The following OPA1 variants were observed in gnomAD, a reference collection of about 807,000 sequenced individuals.
OPA1 encodes the protein OPA1 mitochondrial dynamin like GTPase, also known as dynamin-like GTPase OPA1, mitochondrial.
OPA1 carries 59 observed loss-of-function variants against 152.9 expected under a neutral mutation model. The ratio of observed to expected loss-of-function variants is 0.39; its 90% CI spans 0.31 to 0.48. The LOEUF is 0.48. Ranked by LOEUF, OPA1 falls within the 20% of genes least tolerant of loss-of-function variation. The probability of loss-of-function intolerance (pLI) is 0.96; values close to 1 mark genes in which losing one functional copy is unlikely to be tolerated. For synonymous variants in OPA1, 400 were observed against 389.9 expected (o/e 1.03, Z -0.31); for missense variants, 1,008 against 1,216.8 (o/e 0.83, Z 2.55).
chr3:193,664,808 A>T, intron 26 of OPA1, 72 bp from the exon 27 acceptor site: 1 of 843,584 alleles, frequency 1.2e-6, no homozygotes, highest in Non-Finnish European at 2.0e-6. Context: ...TAATTTTTGT[A>T]CAACTTCTCA....
intron 18 of OPA1, among the ~76,000 whole-genome samples, 190 bp downstream of exon 18, chr3:193,645,990 A>T (rs1266336509): frequency 6.6e-6 from 1 of 152,234 alleles, no homozygotes; most frequent in Non-Finnish European, 1.5e-5. Flanking sequence ...AGAGCAGTTT[A>T]TCACATGGTA....
intron 29 of OPA1, among the ~76,000 whole-genome samples, chr3:193,670,859 A>C (rs1222387191): frequency 1.3e-5 from 2 of 152,186 alleles, no homozygotes; most frequent in African/African-American, 4.8e-5. Flanking sequence ...GATATGGTAG[A>C]TTCCATAGCT....
At chr3:193,618,815 C>A in intron 5 of OPA1, 54 bp from the exon 6 acceptor site, 1 of 1,384,042 alleles carries the variant, frequency 7.2e-7, no homozygotes, top group Non-Finnish European at 1.0e-6. Flanking sequence ...TGAAATTCAG[C>A]TTAGGCTGTT....
chr3:193,615,679 T>C lies in OPA1; in HGVS notation c.357T>C (p.Phe119=). 1.3e-6 allele frequency: 2 copies of C among 1,594,742 alleles called. No individual in the cohort carries two copies. The highest frequency in any genetic ancestry group is 1.7e-6 in the Non-Finnish European group (2 of 1,162,464). Reference sequence around the variant, plus strand: ...CACACTTTCTTGTCTTTTAGACTTTTGATCAGTGGAAAGATATGATACCGG... The same window carrying C: ...CACACTTTCTTGTCTTTTAGACTTTCGATCAGTGGAAAGATATGATACCGG... The part of the protein sequence containing the change: ...VGGGYTAKKT[F]DQWKDMIPDL... The change falls in exon 3 of 31, where the codon TTT becomes TTC. Residue 119 remains phenylalanine, a synonymous_variant. Coordinates refer to ENST00000361510, the MANE Select transcript of OPA1 (RefSeq NM_130837.3).
rs1722091081 is a variant in OPA1, at chr3:193,694,612, A to T, written c.*12A>T. The T allele has an allele frequency of 1.3e-5, 2 of 152,168 alleles. No homozygotes were observed. Among genetic ancestry groups the T allele is most frequent in the African/African-American group, 4.8e-5 (2 of 41,438 alleles). The allele number at this position is 152,168 out of a possible 1,614,324, so 9.4% of individuals were successfully genotyped here. A position where few individuals can be genotyped will look rare whatever the true frequency, so the allele number is the denominator to read the frequency against. On this transcript the variant is annotated 3_prime_UTR_variant, in exon 31 of 31. Coordinates refer to ENST00000361510, the MANE Select transcript of OPA1 (RefSeq NM_130837.3). ...AATGGGTTTATTTTTACAGAATCGT[A>T]CTCATAATCAGCTCTGCATACATCT...
chr3:193,638,391 T>G lies in OPA1; in HGVS notation c.1149+326T>G, dbSNP rs111768318. ...AATATAGATAATTTTCTAGTTTTATTGTGACAAAAGAGCAGAGAAATGAAG... is the reference window on the plus strand; with the variant it reads ...AATATAGATAATTTTCTAGTTTTATGGTGACAAAAGAGCAGAGAAATGAAG... On this transcript the variant is annotated intron_variant, in intron 11 of 30. Transcript: ENST00000361510. Among the ~76,000 whole-genome samples the G allele has an allele frequency of 3.9e-5, 6 of 152,320 alleles. 1 individual carries two copies. Among genetic ancestry groups the G allele is most frequent in the African/African-American group, 9.6e-5 (4 of 41,568 alleles).
intron 29 of OPA1, among the ~76,000 whole-genome samples, chr3:193,679,446 C>T (rs544550560): frequency 6.6e-6 from 1 of 152,074 alleles, no homozygotes; most frequent in Non-Finnish European, 1.5e-5. Flanking sequence ...TACAAAACTT[C>T]TGCTTGTCCA....
intron 29 of OPA1, chr3:193,668,725 T>A: frequency 7.7e-7 from 1 of 1,302,688 alleles, no homozygotes; most frequent in Non-Finnish European, 9.9e-7. Flanking sequence ...TGCAGTAGGC[T>A]ACCATGGCTT....
At chr3:193,616,855 C>T (rs553835849) in intron 3 of OPA1, among the ~76,000 whole-genome samples, 1 of 152,262 alleles carries the variant, frequency 6.6e-6, no homozygotes, top group South Asian at 2.1e-4. Context: ...TCTATGTTGA[C>T]GAATCCATTT....
chr3:193,665,565 C>T (rs1458843206), intron 27 of OPA1, among the ~76,000 whole-genome samples: 1 of 152,024 alleles, frequency 6.6e-6, no homozygotes, highest in East Asian at 1.9e-4. Context: ...AAAGTAACCC[C>T]TAGGTGGCAG....
chr3:193,665,915 CAAAG>C (rs1256485728), intron 27 of OPA1, among the ~76,000 whole-genome samples: 7 of 152,012 alleles, frequency 4.6e-5, no homozygotes, highest in African/African-American at 1.7e-4. Flanking sequence ...AGTACAGACT[CAAAG>C]AAAAGAGGTT....
At chr3:193,627,575 G>A (rs1400504164) in intron 7 of OPA1, among the ~76,000 whole-genome samples, 1 of 152,194 alleles carries the variant, frequency 6.6e-6, no homozygotes, top group Non-Finnish European at 1.5e-5. Context: ...GAATGTAGCT[G>A]TAGTTACACA....
intron 7 of OPA1, among the ~76,000 whole-genome samples, chr3:193,630,081 A>G (rs1369045261): frequency 3.9e-5 from 6 of 152,248 alleles, no homozygotes; most frequent in South Asian, 4.1e-4. Flanking sequence ...TGGCATGCCA[A>G]ATGATCATAA....
Position 193,615,920 on chromosome 3 carries a change from TA to T in OPA1, c.448+154del, listed in dbSNP as rs1207259298. ...TAGAATATCAATGAAAAAATCTGTA[TA>T]AAAGAAATACCCAGTAGCCCATAAT... On this transcript the variant is annotated intron_variant, in intron 3 of 30. Coordinates refer to ENST00000361510, the MANE Select transcript of OPA1 (RefSeq NM_130837.3). 48 of 639,264 alleles carry T rather than the reference TA, an allele frequency of 7.5e-5. No homozygotes were observed. In the Admixed American group the frequency reaches 1.1e-3, roughly 14 times the overall value. 39.6% of individuals were successfully genotyped at this position (639,264 alleles called of 1,614,324 possible). A position where few individuals can be genotyped will look rare whatever the true frequency, so the allele number is the denominator to read the frequency against.
At chr3:193,617,501 T>C (rs1481822491) in intron 4 of OPA1, among the ~76,000 whole-genome samples, 1 of 152,236 alleles carries the variant, frequency 6.6e-6, no homozygotes, top group African/African-American at 2.4e-5. Context: ...CACTTAAACA[T>C]ACTTGGCTTT....
intron 22 of OPA1, 71 bp from the exon 23 acceptor site, chr3:193,657,009 G>A (rs762466548): frequency 6.7e-5 from 90 of 1,333,712 alleles, no homozygotes; most frequent in Admixed American, 5.5e-4. Context: ...GCTTGAGCTC[G>A]TGTTATTTTT....
chr3:193,657,235 A>G lies in OPA1; in HGVS notation c.2331+3A>G. On this transcript the variant is annotated splice_donor_region_variant and intron_variant, in intron 23 of 30. Coordinates refer to ENST00000361510, the MANE Select transcript of OPA1 (RefSeq NM_130837.3). Reference sequence around the variant, plus strand: ...ATGACTTTGCGGAGGACAGCTTGGTATGTTGTTTGTATACTGGGGTATCAG... The same window carrying G: ...ATGACTTTGCGGAGGACAGCTTGGTGTGTTGTTTGTATACTGGGGTATCAG... 1.9e-6 allele frequency: 3 copies of G among 1,613,788 alleles called. No homozygotes were observed. The highest frequency in any genetic ancestry group is 1.7e-6 in the Non-Finnish European group (2 of 1,179,782).
chr3:193,692,787 C>T (rs6779563), intron 30 of OPA1, among the ~76,000 whole-genome samples: 52,893 of 152,066 alleles, frequency 0.35, 9,363 homozygotes, highest in Admixed American at 0.35. Context: ...GAGGAGACCT[C>T]GCTCTGCCAC....
At chr3:193,617,705 CTGAG>C (rs1729284480) in intron 4 of OPA1, 75 bp from the exon 5 acceptor site, 2 of 1,062,300 alleles carry the variant, frequency 1.9e-6, no homozygotes, top group African/African-American at 3.1e-5. Flanking sequence ...AATATGAAAT[CTGAG>C]ATCTCAGACA....
Sources: gnomAD v4.1 joint callset for allele counts (sites outside exome capture counted in the v4.1 genomes callset) on GRCh38, gnomAD v4.1.1 for gene constraint, MANE v1.5 for transcripts, NCBI Gene and HGNC (gene_info 2026-07-23, HGNC 2026-07-21) for gene names.